Variants in SOX6 observed in about 807,000 individuals in gnomAD.
SOX6 encodes the protein SRY-box transcription factor 6.
SOX6 carries 11 observed loss-of-function variants against 97.8 expected under a neutral mutation model. That is an observed-to-expected ratio of 0.11 (90% CI 0.07 to 0.19). The LOEUF (loss-of-function observed/expected upper bound fraction) is 0.19. Ranked by LOEUF, SOX6 falls within the 10% of genes least tolerant of loss-of-function variation. SOX6 has a pLI of 1.00. For missense variants in SOX6, 810 were observed against 1,039.5 expected, an observed-to-expected ratio of 0.78 and a Z score of 3.04; for synonymous variants, 360 against 371.4, an observed-to-expected ratio of 0.97 and a Z score of 0.35.
intron 9 of SOX6, among the ~76,000 whole-genome samples, chr11:16,078,956 A>G (rs1848415426): frequency 1.3e-5 from 2 of 152,180 alleles, no homozygotes; most frequent in Admixed American, 6.5e-5. Flanking sequence ...GTCAGGTGTC[A>G]GAAAGATAGC....
chr11:16,528,962 G>A (rs918045601), intron 4 of SOX6, among the ~76,000 whole-genome samples: 6 of 151,896 alleles, frequency 4.0e-5, no homozygotes, highest in African/African-American at 1.5e-4. Context: ...CCTACCTTAT[G>A]GGCATTGAGT....
intron 15 of SOX6, among the ~76,000 whole-genome samples, chr11:15,977,551 G>C (rs1853523563): frequency 6.6e-6 from 1 of 151,454 alleles, no homozygotes; most frequent in Non-Finnish European, 1.5e-5. Flanking sequence ...TCTTTACCCA[G>C]TTCCAATTCC....
chr11:16,284,738 T>C lies in SOX6; in HGVS notation c.445+33708A>G, dbSNP rs534680887. 2.0e-5 allele frequency among the ~76,000 whole-genome samples: 3 copies of C among 152,244 alleles called. No homozygotes were observed. The East Asian group carries it at 5.8e-4, about 29-fold the overall frequency. On this transcript the variant is annotated intron_variant, in intron 3 of 15. Transcript: ENST00000683767. ...TGTGGGTGCAATAGAAACCCACGTATGTCAGTCTACCCCTACGTCCATACC... is the reference window on the plus strand; with the variant it reads ...TGTGGGTGCAATAGAAACCCACGTACGTCAGTCTACCCCTACGTCCATACC...
At chr11:16,591,670 C>T (rs772502821) in intron 4 of SOX6, among the ~76,000 whole-genome samples, 40 of 152,052 alleles carry the variant, frequency 2.6e-4, no homozygotes, top group Non-Finnish European at 4.3e-4. Context: ...AAAGTTTCAA[C>T]AGGTTTTGAG....
chr11:16,222,016 A>C (rs1268426608), intron 4 of SOX6, among the ~76,000 whole-genome samples: 1 of 152,154 alleles, frequency 6.6e-6, no homozygotes, highest in Admixed American at 6.6e-5. Flanking sequence ...TCACAATAGC[A>C]CGAAAAGGTT....
intron 2 of SOX6, among the ~76,000 whole-genome samples, chr11:16,322,378 T>C (rs1336695119): frequency 2.0e-5 from 3 of 152,128 alleles, no homozygotes; most frequent in Non-Finnish European, 4.4e-5. Context: ...AAGATGCGCC[T>C]GCTTCCCCTT....
intron 3 of SOX6, among the ~76,000 whole-genome samples, chr11:16,302,366 AT>A (rs1282583216): frequency 2.0e-5 from 3 of 152,074 alleles, no homozygotes; most frequent in Non-Finnish European, 4.4e-5. Context: ...ACTTCTTCAC[AT>A]TCATTAAACT....
At chr11:16,619,245 A>C (rs1034220097) in intron 3 of SOX6, among the ~76,000 whole-genome samples, 1 of 151,888 alleles carries the variant, frequency 6.6e-6, no homozygotes, top group Admixed American at 6.6e-5. Flanking sequence ...TTACCAAAAA[A>C]AAAAAGAAAA....
At chr11:16,071,387 T>C (rs1432204986) in intron 9 of SOX6, among the ~76,000 whole-genome samples, 1 of 152,144 alleles carries the variant, frequency 6.6e-6, no homozygotes, top group African/African-American at 2.4e-5. Context: ...CAGGTGCAGC[T>C]TCCTGATGTC....
At chr11:16,566,068 C>T (rs1847870403) in intron 4 of SOX6, among the ~76,000 whole-genome samples, 1 of 148,222 alleles carries the variant, frequency 6.7e-6, no homozygotes, top group African/African-American at 2.5e-5. Context: ...TGCACTCCAG[C>T]CTAGGTGACA....
intron 4 of SOX6, among the ~76,000 whole-genome samples, chr11:16,595,798 A>G (rs1848207009): frequency 6.6e-6 from 1 of 152,026 alleles, no homozygotes; most frequent in Non-Finnish European, 1.5e-5. Flanking sequence ...CAAAAAGATT[A>G]AAAAAACAAA....
intron 3 of SOX6, among the ~76,000 whole-genome samples, chr11:16,632,868 A>G (rs1217805149): frequency 6.6e-6 from 1 of 152,168 alleles, no homozygotes; most frequent in East Asian, 1.9e-4. Flanking sequence ...CAGGCTTCTG[A>G]ACCAGGCAAG....
At chr11:16,396,251 T>C (rs1405061584) in intron 1 of SOX6, among the ~76,000 whole-genome samples, 8 of 151,688 alleles carry the variant, frequency 5.3e-5, no homozygotes, top group Non-Finnish European at 5.9e-5. Context: ...TCAATAAATG[T>C]TAACTATTTT....
intron 12 of SOX6, among the ~76,000 whole-genome samples, chr11:16,031,182 C>T (rs915000137): frequency 2.6e-5 from 4 of 152,198 alleles, no homozygotes; most frequent in African/African-American, 7.2e-5. Context: ...CCAGCTTTAA[C>T]ATCAAGACTA....
At chr11:16,422,929 G>C (rs899840360) in intron 1 of SOX6, among the ~76,000 whole-genome samples, 1 of 152,016 alleles carries the variant, frequency 6.6e-6, no homozygotes, top group African/African-American at 2.4e-5. Context: ...CTCCTAACTG[G>C]TGTTTCTGCT....
chr11:16,695,628 C>G (rs757025733), intron 3 of SOX6, among the ~76,000 whole-genome samples: 1 of 152,168 alleles, frequency 6.6e-6, no homozygotes, highest in Non-Finnish European at 1.5e-5. Context: ...TTCTACTGTT[C>G]TAAGAACACA....
intron 2 of SOX6, among the ~76,000 whole-genome samples, chr11:16,323,580 G>A (rs549895202): frequency 2.6e-5 from 4 of 151,994 alleles, no homozygotes; most frequent in South Asian, 2.1e-4. Flanking sequence ...AACCCAACCC[G>A]CTCTTCAAAG....
intron 6 of SOX6, among the ~76,000 whole-genome samples, chr11:16,153,700 C>A (rs1236037757): frequency 5.3e-5 from 8 of 152,136 alleles, no homozygotes; most frequent in South Asian, 4.1e-4. Context: ...ACCATGCTTA[C>A]AACTTCCAGT....
At chr11:16,425,411 A>C (rs1859104805) in intron 1 of SOX6, among the ~76,000 whole-genome samples, 2 of 152,228 alleles carry the variant, frequency 1.3e-5, no homozygotes, top group Non-Finnish European at 2.9e-5. Context: ...AGGTCTCTGC[A>C]AGGATGCCTT....
Sources: allele counts gnomAD v4.1 joint callset (sites outside exome capture counted in the v4.1 genomes callset), GRCh38; gene constraint gnomAD v4.1.1; transcripts MANE v1.5; gene names NCBI Gene and HGNC (gene_info 2026-07-23, HGNC 2026-07-21).